The following SOS2 variants were observed in gnomAD, a reference collection of about 807,000 sequenced individuals.
SOS2 encodes SOS Ras/Rho guanine nucleotide exchange factor 2.
Under a neutral mutation model 148.2 loss-of-function variants are expected in SOS2, and 65 were observed. The ratio of observed to expected loss-of-function variants is 0.44; its 90% CI spans 0.36 to 0.54. The LOEUF is 0.54. Ranked by LOEUF, SOS2 falls within the 20% of genes least tolerant of loss-of-function variation. SOS2 has a pLI of 0.00. For missense variants in SOS2, 1,341 were observed against 1,590.2 expected (o/e 0.84, Z 2.67); for synonymous variants, 539 against 537.1 (o/e 1.00, Z -0.05).
At position 50,145,701 on chromosome 14, in the gene SOS2, G is replaced by A. The variant is rs1390618130; in HGVS notation, c.2385-105C>T. ...AAGACAATTAACCCAAAAGACAGAT[G>A]AACACATATATGAACAAGTAATTCA... On this transcript the variant is annotated intron_variant, in intron 14 of 22. Transcript: ENST00000216373. 4 of 676,754 alleles carry A rather than the reference G, an allele frequency of 5.9e-6. No individual in the cohort carries two copies. In the East Asian group the frequency reaches 1.1e-4, roughly 18 times the overall value. 41.9% of individuals were successfully genotyped at this position (676,754 alleles called of 1,614,324 possible).
At chr14:50,168,422 A>C (rs1885235819) in intron 8 of SOS2, among the ~76,000 whole-genome samples, 1 of 152,036 alleles carries the variant, frequency 6.6e-6, no homozygotes, top group African/African-American at 2.4e-5. Flanking sequence ...AGGTCTCACT[A>C]TATTGCCCAG....
At chr14:50,146,704 A>G (rs1884485926) in intron 14 of SOS2, among the ~76,000 whole-genome samples, 1 of 152,152 alleles carries the variant, frequency 6.6e-6, no homozygotes, top group Non-Finnish European at 1.5e-5. Context: ...TATTCAGTGA[A>G]GCATTATTTG....
In SOS2 at chr14:50,118,739, T is replaced by C. The variant is rs1272391524; in HGVS notation, c.3604A>G (p.Ser1202Gly). ...TCTCTTGGTGGTGGCGGAGGTGGACTATGCAGAGGCCCATCAAATGCACCA... is the reference window on the plus strand; with the variant it reads ...TCTCTTGGTGGTGGCGGAGGTGGACCATGCAGAGGCCCATCAAATGCACCA... The part of the protein sequence containing the change: ...PTGAFDGPLH[S>G]PPPPPPRDPL... The change falls in exon 23 of 23, where the codon AGT becomes GGT. Residue 1202 changes from serine to glycine, a missense_variant. By Grantham distance (56) the Ser-to-Gly change is moderately conservative (BLOSUM62 0). This residue lies in a region of SOS2 where 354 missense variants were observed against 347.7 expected (regional missense o/e 1.02). Coordinates refer to ENST00000216373, the MANE Select transcript of SOS2 (RefSeq NM_006939.4). 1 of 1,611,670 alleles carries C rather than the reference T, an allele frequency of 6.2e-7. No individual in the cohort carries two copies. The highest frequency in any genetic ancestry group is 1.7e-5 in the Admixed American group (1 of 59,604).
chr14:50,138,797 A>G lies in SOS2; in HGVS notation c.2786-13T>C. On this transcript the variant is annotated splice_polypyrimidine_tract_variant and intron_variant, in intron 17 of 22. Transcript: ENST00000216373. ...GTTAAATATATTCCTAGTAAAAAAAAAAAAAGAATTTAAAGAAAAGTTATT... is the reference window on the plus strand; with the variant it reads ...GTTAAATATATTCCTAGTAAAAAAAGAAAAAGAATTTAAAGAAAAGTTATT... 1 of 800,128 alleles carries G rather than the reference A, an allele frequency of 1.2e-6. No individual in the cohort carries two copies. Among genetic ancestry groups the G allele is most frequent in the Non-Finnish European group, 1.9e-6 (1 of 525,270 alleles). 49.6% of individuals were successfully genotyped at this position (800,128 alleles called of 1,614,324 possible).
In SOS2 at chr14:50,134,189, A is replaced by C; in HGVS notation, c.3009T>G (p.Phe1003Leu). 2 of 1,610,066 alleles carry C rather than the reference A, an allele frequency of 1.2e-6. No homozygotes were observed. Among genetic ancestry groups the C allele is most frequent in the East Asian group, 4.5e-5 (2 of 44,762 alleles). Residue 1003 changes from phenylalanine (F) to leucine (L), a missense_variant, in exon 19 of 23, where the codon TTT (phenylalanine) becomes TTG (leucine). Coordinates refer to ENST00000216373, the MANE Select transcript of SOS2 (RefSeq NM_006939.4). ...NPMGSASEKE[F>L]TDYLFNKSLE... is the part of the protein sequence containing the mutation. ...GTGACTTGTTGAACAAATAATCTGT[A>C]AACTCTTTTTCAGATGCACTTCCCA...
chr14:50,202,364 ATAGT>A (rs1004560507), intron 2 of SOS2, among the ~76,000 whole-genome samples: 5 of 152,216 alleles, frequency 3.3e-5, no homozygotes, highest in Non-Finnish European at 7.3e-5. Context: ...TCCTATATTT[ATAGT>A]TATAGTCTCA....
intron 4 of SOS2, among the ~76,000 whole-genome samples, chr14:50,195,093 C>T (rs890209040): frequency 6.6e-6 from 1 of 152,010 alleles, no homozygotes; most frequent in Non-Finnish European, 1.5e-5. Context: ...ATTCTTACAA[C>T]AATAACAAAA....
Position 50,118,288 on chromosome 14 carries a change from T to TAA in SOS2, c.*54_*55dup. The TAA allele has an allele frequency of 3.0e-5, 39 of 1,293,498 alleles. No homozygotes were observed. Among genetic ancestry groups the TAA allele is most frequent in the Non-Finnish European group, 3.3e-5 (31 of 950,280 alleles). The allele number at this position is 1,293,498 out of a possible 1,614,324, so 80.1% of individuals were successfully genotyped here. On this transcript the variant is annotated 3_prime_UTR_variant, in exon 23 of 23. Coordinates refer to ENST00000216373, the MANE Select transcript of SOS2 (RefSeq NM_006939.4). ...ATACTATGTCTTTTTTTGAATAAAT[T>TAA]AAAAAAAAAACTTTACAAATACCAT...
chr14:50,203,595 T>G (rs1196817594), intron 2 of SOS2, among the ~76,000 whole-genome samples: 2 of 150,218 alleles, frequency 1.3e-5, no homozygotes, highest in Non-Finnish European at 3.0e-5. Context: ...TTTTCAGATA[T>G]ATATATATAT....
chr14:50,179,452 A>G (rs943610146), intron 7 of SOS2, among the ~76,000 whole-genome samples: 2 of 151,368 alleles, frequency 1.3e-5, no homozygotes, highest in Non-Finnish European at 3.0e-5. Context: ...TGGCGTGATC[A>G]TGACTCATTG....
At chr14:50,217,757 C>G (rs1035198092) in intron 1 of SOS2, among the ~76,000 whole-genome samples, 1 of 150,916 alleles carries the variant, frequency 6.6e-6, no homozygotes, top group African/African-American at 2.4e-5. Flanking sequence ...GAGATCAAGA[C>G]CATCCTGGCT....
chr14:50,136,019 A>G (rs1884067676), intron 18 of SOS2, among the ~76,000 whole-genome samples: 1 of 152,194 alleles, frequency 6.6e-6, no homozygotes, highest in Admixed American at 6.5e-5. Flanking sequence ...CTTTAGCAGT[A>G]GGCAAAATGA....
chr14:50,134,054 G>GGTT, intron 19 of SOS2, 69 bp downstream of exon 19: 1 of 818,844 alleles, frequency 1.2e-6, no homozygotes, highest in Non-Finnish European at 2.1e-6. Context: ...TAAGATAACA[G>GGTT]GTTGTTAAAC....
At chr14:50,179,410 G>T (rs1275045355) in intron 7 of SOS2, among the ~76,000 whole-genome samples, 7 of 151,704 alleles carry the variant, frequency 4.6e-5, no homozygotes, top group Non-Finnish European at 8.8e-5. Context: ...TTTGAGACTG[G>T]GTCTCACTCT....
chr14:50,217,124 C>CTATT (rs1250936793), intron 1 of SOS2, among the ~76,000 whole-genome samples: 2 of 152,064 alleles, frequency 1.3e-5, no homozygotes, highest in Non-Finnish European at 2.9e-5. Context: ...ATCAATAGAA[C>CTATT]AGAATAGAGA....
At chr14:50,123,946 G>T (rs1883605289) in intron 21 of SOS2, among the ~76,000 whole-genome samples, 1 of 152,154 alleles carries the variant, frequency 6.6e-6, no homozygotes, top group Non-Finnish European at 1.5e-5. Context: ...AGGGAGAGAA[G>T]TAAAAGATAC....
intron 10 of SOS2, 119 bp downstream of exon 10, chr14:50,159,312 G>A: frequency 1.7e-6 from 1 of 584,104 alleles, no homozygotes; most frequent in East Asian, 2.7e-5. Context: ...TGTTTTTGCA[G>A]TATTTTTATA....
At chr14:50,221,178 T>C (rs1426088847) in intron 1 of SOS2, among the ~76,000 whole-genome samples, 1 of 152,220 alleles carries the variant, frequency 6.6e-6, no homozygotes, top group African/African-American at 2.4e-5. Context: ...AGCAAGTAAA[T>C]TGCAGCAGAC....
chr14:50,183,346 G>C (rs755850084), intron 5 of SOS2, among the ~76,000 whole-genome samples: 35 of 151,526 alleles, frequency 2.3e-4, no homozygotes, highest in Non-Finnish European at 5.0e-4. Flanking sequence ...ACTTGGGTTG[G>C]AGAGGTCAAC....
Sources: gnomAD v4.1 joint callset for allele counts (sites outside exome capture counted in the v4.1 genomes callset) on GRCh38, gnomAD v4.1.1 for gene constraint, gnomAD v4.1.1 regional missense constraint, MANE v1.5 for transcripts, NCBI Gene and HGNC (gene_info 2026-07-23, HGNC 2026-07-21) for gene names.